Variants in C5 observed in about 807,000 individuals in gnomAD.
C5 encodes complement C5, also known as C3 and PZP-like alpha-2-macroglobulin domain-containing protein 4.
Under a neutral mutation model 218.8 loss-of-function variants are expected in C5, and 140 were observed. That is an observed-to-expected ratio of 0.64 (90% confidence interval 0.56 to 0.74). The LOEUF (loss-of-function observed/expected upper bound fraction) is 0.74. Among genes scored for constraint, C5 ranks in the 30% least tolerant of loss-of-function variants. The probability of loss-of-function intolerance (pLI) is 0.00; values close to 1 mark genes in which losing one functional copy is unlikely to be tolerated. For synonymous variants in C5, 614 were observed against 682.3 expected (o/e 0.90, Z 1.56); for missense variants, 1,700 against 1,969.6 (o/e 0.86, Z 2.59).
rs371283983 is a variant in C5 at position 121,044,241 on chromosome 9, G to A, written c.259-1075C>T. ...TGTAATCCCAGCACTTTGGGAGGCC[G>A]AGGCGGGCGGATCACCTGAGGTCAG... On this transcript the variant is annotated intron_variant, in intron 2 of 40. Transcript: ENST00000223642. 1.9e-4 allele frequency among the ~76,000 whole-genome samples: 29 copies of A among 152,196 alleles called. 1 individual carries two copies. Among genetic ancestry groups the A allele is most frequent in the East Asian group, 1.4e-3 (7 of 5,178 alleles).
intron 9 of C5, among the ~76,000 whole-genome samples, chr9:121,024,226 A>G (rs1237448346): frequency 3.3e-4 from 3 of 9,178 alleles, no homozygotes; most frequent in Non-Finnish European, 5.9e-4. Context: ...GAGGGGAGGG[A>G]GGGAGGGGAG....
intron 2 of C5, among the ~76,000 whole-genome samples, chr9:121,044,944 CT>C (rs1488232979): frequency 6.8e-6 from 1 of 146,846 alleles, no homozygotes; most frequent in African/African-American, 2.5e-5. Context: ...GAAAGTAACA[CT>C]TTCTTTTTTT....
chr9:121,051,034 T>G (rs2047667565), upstream of C5, among the ~76,000 whole-genome samples: 1 of 152,154 alleles, frequency 6.6e-6, no homozygotes, highest in Non-Finnish European at 1.5e-5. Context: ...TTTTAATAAT[T>G]TTAATATAAG....
the C5 span, among the ~76,000 whole-genome samples, chr9:121,056,408 T>A: frequency 6.6e-6 from 1 of 152,226 alleles, no homozygotes; most frequent in Non-Finnish European, 1.5e-5. Context: ...ACAAAGAGAT[T>A]GAAATTTTTT....
chr9:120,981,413 A>G (rs2046991863), intron 27 of C5, among the ~76,000 whole-genome samples: 1 of 152,198 alleles, frequency 6.6e-6, no homozygotes, highest in East Asian at 1.9e-4. Context: ...GAGGATACAC[A>G]TTTGCTGTTG....
At chr9:120,970,136 G>T in intron 32 of C5, 34 bp downstream of exon 32, 1 of 1,441,268 alleles carries the variant, frequency 6.9e-7, no homozygotes, top group Non-Finnish European at 9.8e-7. Flanking sequence ...TTTATTTTTA[G>T]CCAAAATTAC....
intron 22 of C5, among the ~76,000 whole-genome samples, chr9:120,993,523 C>T (rs1003785673): frequency 6.6e-6 from 1 of 152,162 alleles, no homozygotes; most frequent in Admixed American, 6.5e-5. Context: ...CCCGGGTTCA[C>T]GCCCTTCTCC....
chr9:120,952,949 A>G, intron 40 of C5, 81 bp from the exon 41 acceptor site: 1 of 1,468,460 alleles, frequency 6.8e-7, no homozygotes, highest in South Asian at 1.1e-5. Flanking sequence ...TTTGAGACGG[A>G]GTCTTGCTCA....
intron 37 of C5, 35 bp from the exon 38 acceptor site, chr9:120,960,372 A>G (rs1289006883): frequency 2.1e-6 from 3 of 1,437,172 alleles, no homozygotes; most frequent in Non-Finnish European, 9.8e-7. Flanking sequence ...AATAAGGTTA[A>G]TGGAAAGAAG....
At chr9:121,000,058 CAAAA>C in intron 20 of C5, 3 of 170,880 alleles carry the variant, frequency 1.8e-5, no homozygotes, top group South Asian at 1.3e-4. Flanking sequence ...GACTCTGTCT[CAAAA>C]AAAAAAAAAA....
Position 121,046,394 on chromosome 9 carries a change from AG to A in C5, c.66-12del. On this transcript the variant is annotated splice_polypyrimidine_tract_variant and intron_variant, in intron 1 of 40. Transcript: ENST00000223642. ...GCTGAAATGACATATCTGTTGAAAA[AG>A]GAAAAGATAAGGCTCAATGTCTTTA... 1 of 1,591,762 alleles carries A rather than the reference AG, an allele frequency of 6.3e-7. No individual in the cohort carries two copies. Among genetic ancestry groups the A allele is most frequent in the South Asian group, 1.1e-5 (1 of 90,516 alleles).
chr9:121,070,084 G>A, the C5 span, among the ~76,000 whole-genome samples: 4 of 152,056 alleles, frequency 2.6e-5, no homozygotes, highest in African/African-American at 9.7e-5. Flanking sequence ...TGGGCCAGAC[G>A]TAGTGGCTCA....
chr9:120,956,491 A>G (rs1292636928), intron 39 of C5, among the ~76,000 whole-genome samples: 5 of 152,218 alleles, frequency 3.3e-5, no homozygotes, highest in Admixed American at 6.5e-5. Flanking sequence ...AAATGGCCAT[A>G]CTGTCCAAAG....
At chr9:121,056,364 G>A in the C5 span, among the ~76,000 whole-genome samples, 2 of 152,168 alleles carry the variant, frequency 1.3e-5, no homozygotes, top group Non-Finnish European at 2.9e-5. Context: ...CAAGACAACA[G>A]TGAAGAAATT....
At chr9:120,965,941 G>A (rs1011226883) in intron 33 of C5, among the ~76,000 whole-genome samples, 8 of 152,164 alleles carry the variant, frequency 5.3e-5, no homozygotes, top group Non-Finnish European at 1.2e-4. Flanking sequence ...TTCCCCAAAG[G>A]CATTTTGTTG....
chr9:121,020,212 C>T (rs770068760), intron 11 of C5, 33 bp from the exon 12 acceptor site: 16 of 1,412,278 alleles, frequency 1.1e-5, no homozygotes, highest in African/African-American at 1.4e-5. Flanking sequence ...GACATGTATA[C>T]TGTGATGTAA....
intron 22 of C5, among the ~76,000 whole-genome samples, chr9:120,992,426 TAAC>T (rs2047083569): frequency 2.6e-5 from 4 of 152,352 alleles, no homozygotes; most frequent in Middle Eastern, 6.8e-3. Flanking sequence ...TAAATGGAGA[TAAC>T]AACATTTTCC....
chr9:120,953,771 CATAATTA>C lies in C5; in HGVS notation c.4853_4859del (p.Leu1618TrpfsTer8). 6.2e-7 allele frequency: 1 copy of C among 1,613,994 alleles called. No individual in the cohort carries two copies. The highest frequency in any genetic ancestry group is 2.2e-5 in the East Asian group (1 of 44,876). On this transcript the variant is annotated frameshift_variant, in exon 40 of 41. Transcript: ENST00000223642. LOFTEE classifies it high-confidence loss of function. Reference sequence around the variant, plus strand: ...ATTTTATCTGGAGGGCTTCTTTACCCATAATTAAGTACTGTCTTCCTTTTACCAGCTC... The same window carrying C: ...ATTTTATCTGGAGGGCTTCTTTACCCAGTACTGTCTTCCTTTTACCAGCTC...
chr9:120,969,039 C>T, intron 33 of C5, 22 bp downstream of exon 33: 1 of 1,602,932 alleles, frequency 6.2e-7, no homozygotes, highest in Non-Finnish European at 8.5e-7. Flanking sequence ...GTCTATGCTC[C>T]CCTTTGTGGA....
Sources: gnomAD v4.1 joint callset for allele counts (sites outside exome capture counted in the v4.1 genomes callset) on GRCh38, gnomAD v4.1.1 for gene constraint, MANE v1.5 for transcripts, NCBI Gene and HGNC (gene_info 2026-07-23, HGNC 2026-07-21) for gene names.